The following FRYL variants were observed in gnomAD, a reference collection of about 807,000 sequenced individuals.
The protein encoded by FRYL is protein furry homolog-like.
FRYL carries 150 observed loss-of-function variants against 351.2 expected under a neutral mutation model. That is an observed-to-expected ratio of 0.43 (90% CI 0.37 to 0.49). The LOEUF is 0.49. FRYL is among the 20% of genes least tolerant of loss of function. FRYL has a pLI of 0.00. For missense variants in FRYL, 3,036 were observed against 3,619.3 expected, an observed-to-expected ratio of 0.84 and a Z score of 4.13; for synonymous variants, 1,153 against 1,257.1, an observed-to-expected ratio of 0.92 and a Z score of 1.75.
chr4:48,528,859 C>T (rs1726879236), intron 50 of FRYL, among the ~76,000 whole-genome samples: 1 of 152,104 alleles, frequency 6.6e-6, no homozygotes, highest in African/African-American at 2.4e-5. Context: ...GTAATACTTC[C>T]AAAATTTATT....
At chr4:48,645,647 G>T (rs575220576) in intron 3 of FRYL, among the ~76,000 whole-genome samples, 3 of 152,114 alleles carry the variant, frequency 2.0e-5, no homozygotes, top group Non-Finnish European at 4.4e-5. Flanking sequence ...TTGGAATGGG[G>T]CCCAGGTATG....
intron 1 of FRYL, among the ~76,000 whole-genome samples, chr4:48,719,231 T>TC (rs1769200257): frequency 6.6e-6 from 1 of 151,704 alleles, no homozygotes; most frequent in South Asian, 2.1e-4. Context: ...CTGAATGTTA[T>TC]CCAGACTTCA....
At chr4:48,715,917 C>A (rs1326369981) in intron 1 of FRYL, among the ~76,000 whole-genome samples, 1 of 151,352 alleles carries the variant, frequency 6.6e-6, no homozygotes, top group African/African-American at 2.4e-5. Flanking sequence ...GTACTGGTAC[C>A]AAAACAGAGA....
At chr4:48,674,736 C>CAAAAAAAAAAAAAAAAAAAAA (rs58696045) in intron 3 of FRYL, among the ~76,000 whole-genome samples, 1 of 55,786 alleles carries the variant, frequency 1.8e-5, no homozygotes, top group African/African-American at 8.2e-5. Flanking sequence ...GACTCTGTCT[C>CAAAAAAAAAAAAAAAAAAAAA]AAAAAAAAAA....
intron 35 of FRYL, among the ~76,000 whole-genome samples, chr4:48,555,507 T>G (rs1733873850): frequency 6.6e-6 from 1 of 152,138 alleles, no homozygotes; most frequent in Admixed American, 6.5e-5. Context: ...GCAGCAGAAG[T>G]CCCAGTGGGC....
In FRYL at chr4:48,525,972, GTA is replaced by G. The variant is rs558799081; in HGVS notation, c.7317+1503_7317+1504del. Among the ~76,000 whole-genome samples the G allele has an allele frequency of 2.9e-3, 436 of 151,774 alleles. 1 individual carries two copies. Among genetic ancestry groups the G allele is most frequent in the African/African-American group, 9.3e-3 (384 of 41,354 alleles). ...GAGAGTTGATGAATGTGTATGAGCT[GTA>G]TATGAGTTGTATATGTGTATGTATA... On this transcript the variant is annotated intron_variant, in intron 53 of 63. Transcript: ENST00000358350.
intron 1 of FRYL, among the ~76,000 whole-genome samples, chr4:48,766,722 T>C (rs1429884046): frequency 6.6e-6 from 1 of 152,194 alleles, no homozygotes; most frequent in Admixed American, 6.6e-5. Context: ...TAATCAGTGC[T>C]AGGAAGTCAG....
intron 1 of FRYL, among the ~76,000 whole-genome samples, chr4:48,726,106 T>C (rs1770052746): frequency 1.3e-5 from 2 of 152,212 alleles, no homozygotes; most frequent in Admixed American, 6.5e-5. Context: ...ACTACTTGCT[T>C]TTCTAAGATA....
At chr4:48,756,134 G>A (rs757269087) in intron 1 of FRYL, among the ~76,000 whole-genome samples, 5 of 151,586 alleles carry the variant, frequency 3.3e-5, no homozygotes, top group Non-Finnish European at 4.4e-5. Flanking sequence ...TCAGGAGGCC[G>A]AGGCGGGAAG....
At chr4:48,677,690 C>T (rs1205185223) in intron 3 of FRYL, among the ~76,000 whole-genome samples, 5 of 152,046 alleles carry the variant, frequency 3.3e-5, no homozygotes, top group Non-Finnish European at 4.4e-5. Flanking sequence ...GGATTACAAG[C>T]GTGAGCCACC....
intron 3 of FRYL, among the ~76,000 whole-genome samples, chr4:48,656,130 T>C (rs1758895716): frequency 7.4e-6 from 1 of 135,160 alleles, no homozygotes; most frequent in South Asian, 2.3e-4. Context: ...AAATAATATA[T>C]ACAATATATA....
chr4:48,671,873 C>CAAA (rs71191252), intron 3 of FRYL, among the ~76,000 whole-genome samples: 13 of 51,838 alleles, frequency 2.5e-4, no homozygotes, highest in South Asian at 7.7e-4. Flanking sequence ...AAAAAAAAAA[C>CAAA]AAAAAAAAAA....
chr4:48,658,364 A>T (rs1759687372), intron 3 of FRYL, among the ~76,000 whole-genome samples: 1 of 152,038 alleles, frequency 6.6e-6, no homozygotes, highest in Non-Finnish European at 1.5e-5. Flanking sequence ...TACCACATCA[A>T]TCCTAGAACC....
intron 4 of FRYL, among the ~76,000 whole-genome samples, chr4:48,626,848 C>T (rs1444143396): frequency 6.6e-6 from 1 of 152,044 alleles, no homozygotes; most frequent in Non-Finnish European, 1.5e-5. Context: ...GTATTTACCA[C>T]TGAAATATAA....
At chr4:48,675,622 C>CA (rs1763522901) in intron 3 of FRYL, among the ~76,000 whole-genome samples, 1 of 152,362 alleles carries the variant, frequency 6.6e-6, no homozygotes, top group East Asian at 1.9e-4. Context: ...CTGAGCCTCC[C>CA]ACCCACTCCA....
intron 5 of FRYL, among the ~76,000 whole-genome samples, chr4:48,622,385 T>TGGTG (rs1750833944): frequency 6.6e-6 from 1 of 152,172 alleles, no homozygotes; most frequent in Non-Finnish European, 1.5e-5. Context: ...ATTTACTAAA[T>TGGTG]GTATGTATCA....
intron 2 of FRYL, among the ~76,000 whole-genome samples, chr4:48,694,693 T>C (rs949533029): frequency 6.6e-6 from 1 of 152,194 alleles, no homozygotes; most frequent in Admixed American, 6.5e-5. Context: ...CTAACGTAAT[T>C]ACAGGAAAAA....
intron 2 of FRYL, among the ~76,000 whole-genome samples, chr4:48,698,524 T>C (rs530047352): frequency 2.0e-5 from 3 of 152,200 alleles, no homozygotes; most frequent in Non-Finnish European, 2.9e-5. Flanking sequence ...CTCCCCATGT[T>C]TGTGAAAGAA....
intron 3 of FRYL, among the ~76,000 whole-genome samples, chr4:48,681,704 A>G (rs1764633246): frequency 6.6e-6 from 1 of 152,180 alleles, no homozygotes; most frequent in East Asian, 1.9e-4. Context: ...TCCCTATTAC[A>G]ATCAATGATA....
Sources: gnomAD v4.1 joint callset for allele counts (sites outside exome capture counted in the v4.1 genomes callset) on GRCh38, gnomAD v4.1.1 for gene constraint, MANE v1.5 for transcripts, NCBI Gene and HGNC (gene_info 2026-07-23, HGNC 2026-07-21) for gene names.